MEIKIN: variants seen among roughly 807,000 people sequenced by gnomAD.
MEIKIN encodes the protein meiotic kinetochore factor.
chr5:131,903,939 A>T (rs1351820236), intron 8 of MEIKIN, among the ~76,000 whole-genome samples: 2 of 152,102 alleles, frequency 1.3e-5, no homozygotes, highest in African/African-American at 4.8e-5. Context: ...AAGGGATGAA[A>T]AAAAAATCTA....
intron 9 of MEIKIN, among the ~76,000 whole-genome samples, chr5:131,874,609 A>C (rs1750576521): frequency 2.6e-5 from 4 of 152,228 alleles, no homozygotes; most frequent in Admixed American, 2.6e-4. Context: ...TATTCCAATC[A>C]ATAGAAAAAG....
intron 9 of MEIKIN, among the ~76,000 whole-genome samples, chr5:131,877,122 A>C (rs1217731153): frequency 6.6e-6 from 1 of 152,132 alleles, no homozygotes; most frequent in Non-Finnish European, 1.5e-5. Context: ...CATTGTGCAC[A>C]TGTACCTACA....
intron 8 of MEIKIN, among the ~76,000 whole-genome samples, chr5:131,895,539 G>A (rs1027076242): frequency 2.0e-5 from 3 of 152,146 alleles, no homozygotes; most frequent in African/African-American, 4.8e-5. Context: ...TGGTTGGCAG[G>A]ATATTAATAA....
At chr5:131,928,597 A>G (rs1371589554) in intron 5 of MEIKIN, among the ~76,000 whole-genome samples, 1 of 152,164 alleles carries the variant, frequency 6.6e-6, no homozygotes, top group Non-Finnish European at 1.5e-5. Flanking sequence ...TAACATCTTC[A>G]GTTAGTTTTT....
At chr5:131,889,246 A>G (rs1263631633) in intron 8 of MEIKIN, among the ~76,000 whole-genome samples, 1 of 152,188 alleles carries the variant, frequency 6.6e-6, no homozygotes, top group African/African-American at 2.4e-5. Context: ...AGTTCTGTGA[A>G]GAAAGTCATT....
chr5:131,837,352 T>C (rs777425579), intron 11 of MEIKIN, among the ~76,000 whole-genome samples: 1 of 152,234 alleles, frequency 6.6e-6, no homozygotes, highest in African/African-American at 2.4e-5. Flanking sequence ...GGATCTTTTA[T>C]GTTTTCATAC....
At chr5:131,834,370 T>G (rs545763160) in intron 11 of MEIKIN, among the ~76,000 whole-genome samples, 8 of 152,204 alleles carry the variant, frequency 5.3e-5, no homozygotes, top group Non-Finnish European at 7.3e-5. Context: ...GTTCTCTTAT[T>G]ATATTTCAAG....
intron 8 of MEIKIN, among the ~76,000 whole-genome samples, chr5:131,891,076 G>A (rs1225687147): frequency 2.6e-5 from 4 of 151,024 alleles, no homozygotes; most frequent in South Asian, 2.1e-4. Context: ...ACTGTGGTCT[G>A]AGAGACAGTT....
intron 12 of MEIKIN, among the ~76,000 whole-genome samples, chr5:131,814,337 C>T (rs909557707): frequency 2.7e-5 from 4 of 149,616 alleles, no homozygotes; most frequent in Non-Finnish European, 4.4e-5. Flanking sequence ...AGTGCAGTGG[C>T]GTGATTACAG....
At chr5:131,851,108 CA>C (rs909734702) in intron 11 of MEIKIN, among the ~76,000 whole-genome samples, 155 bp downstream of exon 11, 2 of 152,096 alleles carry the variant, frequency 1.3e-5, no homozygotes, top group African/African-American at 4.8e-5. Context: ...AGACCCTAAC[CA>C]AAGTGTAAAA....
intron 8 of MEIKIN, among the ~76,000 whole-genome samples, chr5:131,898,245 A>G (rs1363727753): frequency 6.6e-6 from 1 of 152,234 alleles, no homozygotes; most frequent in Non-Finnish European, 1.5e-5. Context: ...GCTGCAAAAC[A>G]GCAAATATTG....
intron 8 of MEIKIN, among the ~76,000 whole-genome samples, chr5:131,889,697 G>C (rs113069132): frequency 0.047 from 7,191 of 152,030 alleles, 548 homozygotes; most frequent in African/African-American, 0.16. Flanking sequence ...ATTGAATACC[G>C]TTTATTTCCT....
intron 4 of MEIKIN, among the ~76,000 whole-genome samples, chr5:131,940,565 A>G (rs1751851933): frequency 6.6e-6 from 1 of 152,132 alleles, no homozygotes; most frequent in Non-Finnish European, 1.5e-5. Flanking sequence ...GGTTTTCTTC[A>G]AAAGTTTGGA....
At chr5:131,863,639 T>C (rs1750329669) in intron 9 of MEIKIN, among the ~76,000 whole-genome samples, 1 of 149,924 alleles carries the variant, frequency 6.7e-6, no homozygotes, top group African/African-American at 2.5e-5. Context: ...TGCTCAGTTA[T>C]GGTTACTGTT....
rs980973620 is a variant in MEIKIN, at chr5:131,880,153, G to A, written c.704-1105C>T. On this transcript the variant is annotated intron_variant, in intron 8 of 12. Transcript: ENST00000442687. Reference sequence around the variant, plus strand: ...TGCCCAGGCTGGAGTGCAGTGGCGCGATCTAGGCTCACTGCAACCCCTACC... The same window carrying A: ...TGCCCAGGCTGGAGTGCAGTGGCGCAATCTAGGCTCACTGCAACCCCTACC... Among the ~76,000 whole-genome samples the A allele has an allele frequency of 5.3e-5, 8 of 151,992 alleles. No individual in the cohort carries two copies. In the East Asian group the frequency reaches 1.4e-3, roughly 26 times the overall value.
chr5:131,928,341 CTTTAGTGCTGCCTT>C (rs1751625730), intron 5 of MEIKIN, among the ~76,000 whole-genome samples: 1 of 151,964 alleles, frequency 6.6e-6, no homozygotes, highest in Non-Finnish European at 1.5e-5. Flanking sequence ...TCCCTTTTTC[CTTTAGTGCTGCCTT>C]TGTGTTCCAC....
intron 8 of MEIKIN, among the ~76,000 whole-genome samples, chr5:131,881,027 G>A (rs954192165): frequency 2.0e-5 from 3 of 152,156 alleles, no homozygotes; most frequent in Non-Finnish European, 4.4e-5. Flanking sequence ...AATCACTCCT[G>A]CCATATGGGT....
chr5:131,935,076 A>G (rs1366381165), intron 4 of MEIKIN, among the ~76,000 whole-genome samples: 3 of 145,214 alleles, frequency 2.1e-5, no homozygotes, highest in Non-Finnish European at 4.5e-5. Context: ...AAGAAAAAAG[A>G]AAAAAAAAAA....
intron 9 of MEIKIN, among the ~76,000 whole-genome samples, chr5:131,870,827 C>T (rs955770445): frequency 1.3e-5 from 2 of 152,134 alleles, no homozygotes; most frequent in African/African-American, 2.4e-5. Flanking sequence ...TTTGTAACTC[C>T]CTACTAATGG....
Sources: allele counts gnomAD v4.1 joint callset (sites outside exome capture counted in the v4.1 genomes callset), GRCh38; gene constraint gnomAD v4.1.1; transcripts MANE v1.5; gene names NCBI Gene and HGNC (gene_info 2026-07-23, HGNC 2026-07-21).